USP9X: variants seen among roughly 807,000 people sequenced by gnomAD.
USP9X encodes ubiquitin specific peptidase 9 X-linked, also known as ubiquitin carboxyl-terminal hydrolase 9X.
A neutral mutation model predicts 190.3 loss-of-function variants in USP9X; 7 were observed. That is an observed-to-expected ratio of 0.04 (90% CI 0.02 to 0.07). The LOEUF is 0.07. Among genes scored for constraint, USP9X ranks in the 10% least tolerant of loss-of-function variants. The probability of loss-of-function intolerance (pLI) is 1.00; values close to 1 mark genes in which losing one functional copy is unlikely to be tolerated. For synonymous variants in USP9X, 645 were observed against 659.5 expected (o/e 0.98, Z 0.34); for missense variants, 1,010 against 1,916.9 (o/e 0.53, Z 8.83).
chrX:41,094,551 C>T (rs1215493547), intron 1 of USP9X, among the ~76,000 whole-genome samples: 3 of 110,632 alleles, frequency 2.7e-5, no homozygotes, highest in African/African-American at 6.6e-5. Flanking sequence ...TTGTTATCCT[C>T]GGTGCATTAT....
intron 1 of USP9X, among the ~76,000 whole-genome samples, chrX:41,109,451 A>G (rs2062093106): frequency 8.9e-6 from 1 of 112,165 alleles, no homozygotes. Flanking sequence ...GGAGGTTTGA[A>G]TAAGGGTGTT....
chrX:41,125,762 A>G (rs2062243900), intron 2 of USP9X, among the ~76,000 whole-genome samples: 1 of 98,177 alleles, frequency 1.0e-5, no homozygotes, highest in Non-Finnish European at 2.0e-5. Context: ...CCTTTTGCTT[A>G]CTTTGGATTT....
intron 1 of USP9X, among the ~76,000 whole-genome samples, chrX:41,112,309 CT>C (rs2062115891): frequency 8.9e-6 from 1 of 112,404 alleles, no homozygotes; most frequent in African/African-American, 3.2e-5. Flanking sequence ...CTGTTGTTTC[CT>C]TTTCTCCCCG....
intron 1 of USP9X, among the ~76,000 whole-genome samples, chrX:41,117,504 GTACTC>G (rs2062157395): frequency 9.1e-6 from 1 of 109,332 alleles, no homozygotes; most frequent in East Asian, 2.9e-4. Context: ...GGAACAGTGA[GTACTC>G]TATATATACA....
At chrX:41,090,984 C>T (rs1025509741) in intron 1 of USP9X, among the ~76,000 whole-genome samples, 1 of 111,029 alleles carries the variant, frequency 9.0e-6, no homozygotes, top group East Asian at 2.8e-4. Flanking sequence ...CCTTTTTAAT[C>T]CGTTCAACAA....
rs1340521130 is a variant in USP9X at position 41,234,872 on chromosome X, T to C, written c.*2348T>C. Reference sequence around the variant, plus strand: ...ACCGCGCCTGGCCCCAGTTGATAGTTTTTTTAATTTAAAAGTTCCTCAATT... The same window carrying C: ...ACCGCGCCTGGCCCCAGTTGATAGTCTTTTTAATTTAAAAGTTCCTCAATT... On this transcript the variant is annotated 3_prime_UTR_variant, in exon 45 of 45. Transcript: ENST00000378308. 1.8e-5 allele frequency: 2 copies of C among 112,083 alleles called. No individual in the cohort carries two copies. The highest frequency in any genetic ancestry group is 3.7e-4 in the South Asian group (1 of 2,716). The allele number at this position is 112,083 out of a possible 1,213,427, so 9.2% of individuals were successfully genotyped here.
At chrX:41,130,826 A>G (rs769031457) in intron 3 of USP9X, among the ~76,000 whole-genome samples, 29 of 110,168 alleles carry the variant, frequency 2.6e-4, no homozygotes, top group Middle Eastern at 4.7e-3. Context: ...CCCAGGTTCA[A>G]GCGATTCTCC....
rs1213493842 is a variant in USP9X, at chrX:41,233,207, A to G, written c.*683A>G. ...GCTTCACACCAAGTTAGTGTAGCCA[A>G]TGAGGAAAAAGTTACCATAATGACA... is the stretch of plus-strand genomic sequence containing the variant. On this transcript the variant is annotated 3_prime_UTR_variant, in exon 45 of 45. Transcript: ENST00000378308. 1.8e-5 allele frequency: 2 copies of G among 112,411 alleles called. No homozygotes were observed. The highest frequency in any genetic ancestry group is 3.2e-5 in the African/African-American group (1 of 30,976). The allele number at this position is 112,411 out of a possible 1,213,427, so 9.3% of individuals were successfully genotyped here.
At chrX:41,218,692 A>G (rs2063234409) in intron 37 of USP9X, 95 bp downstream of exon 37, 3 of 816,740 alleles carry the variant, frequency 3.7e-6, no homozygotes, top group Non-Finnish European at 5.4e-6. Flanking sequence ...CATCCACTTG[A>G]TATGTTTACC....
intron 32 of USP9X, among the ~76,000 whole-genome samples, chrX:41,205,869 TTTTTTCTTTTTC>T: frequency 2.1e-5 from 2 of 95,549 alleles, no homozygotes; most frequent in South Asian, 4.5e-4. Context: ...TTTTTTTTCT[TTTTTTCTTTTTC>T]TTTTTCTTTT....
At chrX:41,147,198 T>G (rs2062473877) in intron 11 of USP9X, among the ~76,000 whole-genome samples, 1 of 109,694 alleles carries the variant, frequency 9.1e-6, no homozygotes, top group African/African-American at 3.3e-5. Flanking sequence ...TTAATTTTAC[T>G]AGAGCATATC....
At chrX:41,160,697 T>C (rs2062622056) in intron 14 of USP9X, among the ~76,000 whole-genome samples, 1 of 111,901 alleles carries the variant, frequency 8.9e-6, no homozygotes, top group South Asian at 3.7e-4. Context: ...CTGATCTAAT[T>C]ATGACGAAGT....
intron 39 of USP9X, 79 bp downstream of exon 39, chrX:41,223,481 A>C (rs1158415700): frequency 9.5e-7 from 1 of 1,047,888 alleles, no homozygotes; most frequent in Non-Finnish European, 1.3e-6. Flanking sequence ...GTTGTTGCCC[A>C]GGCTGGAGTG....
chrX:41,111,997 C>T (rs909387282), intron 1 of USP9X, among the ~76,000 whole-genome samples: 3 of 110,636 alleles, frequency 2.7e-5, no homozygotes, highest in Non-Finnish European at 5.7e-5. Flanking sequence ...AGGCATGCAC[C>T]ACCATGCCCG....
chrX:41,170,434 C>A (rs978175812), intron 19 of USP9X, 36 bp from the exon 20 acceptor site: 1 of 1,187,427 alleles, frequency 8.4e-7, no homozygotes, highest in African/African-American at 1.8e-5. Flanking sequence ...AGTATTTTTC[C>A]TTGTTTTTGA....
intron 33 of USP9X, 92 bp from the exon 34 acceptor site, chrX:41,214,476 T>A (rs748950568): frequency 8.7e-4 from 696 of 801,531 alleles, no homozygotes; most frequent in Admixed American, 1.7e-3. Flanking sequence ...AAGTATAATT[T>A]AAAAAAAAAA....
At chrX:41,152,659 AGTGCTTTG>A (rs778204208) in intron 13 of USP9X, among the ~76,000 whole-genome samples, 3 of 112,108 alleles carry the variant, frequency 2.7e-5, no homozygotes, top group Non-Finnish European at 5.6e-5. Flanking sequence ...ACATAACATA[AGTGCTTTG>A]GTACAGTTAT....
chrX:41,220,680 G>A (rs2063253244), intron 38 of USP9X, among the ~76,000 whole-genome samples: 1 of 112,284 alleles, frequency 8.9e-6, no homozygotes, highest in Non-Finnish European at 1.9e-5. Context: ...TGGGCTGGGC[G>A]AGGTGGCTCA....
chrX:41,100,271 G>T (rs1384526556), intron 1 of USP9X, among the ~76,000 whole-genome samples: 1 of 112,007 alleles, frequency 8.9e-6, no homozygotes, highest in Admixed American at 9.5e-5. Flanking sequence ...TGCTTCACCT[G>T]CATAAATTCT....
Sources: gnomAD v4.1 joint callset for allele counts (sites outside exome capture counted in the v4.1 genomes callset) on GRCh38, gnomAD v4.1.1 for gene constraint, MANE v1.5 for transcripts, NCBI Gene and HGNC (gene_info 2026-07-23, HGNC 2026-07-21) for gene names.